ST6GALNAC3: variants seen among roughly 807,000 people sequenced by gnomAD.
The protein encoded by ST6GALNAC3 is alpha-N-acetylgalactosaminide alpha-2,6-sialyltransferase 3.
A neutral mutation model predicts 32.7 loss-of-function variants in ST6GALNAC3; 25 were observed. That is an observed-to-expected ratio of 0.76 (90% confidence interval 0.56 to 1.07). The LOEUF is 1.07. Among genes scored for constraint, ST6GALNAC3 ranks in the 50% least tolerant of loss-of-function variants. The pLI, the probability that ST6GALNAC3 is intolerant of heterozygous loss-of-function variation, is 0.00. For missense variants in ST6GALNAC3, 355 were observed against 382.4 expected (o/e 0.93, Z 0.60); for synonymous variants, 129 against 133.1 (o/e 0.97, Z 0.21).
intron 3 of ST6GALNAC3, among the ~76,000 whole-genome samples, chr1:76,621,330 T>A (rs1292727433): frequency 1.3e-5 from 2 of 152,088 alleles, no homozygotes; most frequent in Non-Finnish European, 2.9e-5. Flanking sequence ...AGGCCTGGAT[T>A]CCTTTCACTT....
intron 3 of ST6GALNAC3, among the ~76,000 whole-genome samples, chr1:76,480,281 C>T (rs567421017): frequency 2.0e-5 from 3 of 152,202 alleles, no homozygotes; most frequent in South Asian, 4.2e-4. Flanking sequence ...TTAGAATCTC[C>T]AGTGATAACA....
chr1:76,592,100 A>G lies in ST6GALNAC3; in HGVS notation c.624-35352A>G, dbSNP rs533842675. Among the ~76,000 whole-genome samples the G allele has an allele frequency of 2.0e-5, 3 of 152,306 alleles. No homozygotes were observed. In the East Asian group the frequency reaches 5.8e-4, roughly 29 times the overall value. On this transcript the variant is annotated intron_variant, in intron 3 of 4. Coordinates refer to ENST00000328299, the MANE Select transcript of ST6GALNAC3 (RefSeq NM_152996.4). ...TCCCTAGTTTAAGTGATGGAAAGCA[A>G]CTGAAGCCTTTTAATCAAGGAGAAT...
At chr1:76,478,372 C>T (rs1400269513) in intron 3 of ST6GALNAC3, among the ~76,000 whole-genome samples, 9 of 152,152 alleles carry the variant, frequency 5.9e-5, no homozygotes, top group African/African-American at 9.7e-5. Context: ...CCTGAACGTT[C>T]GCAAACATAT....
intron 1 of ST6GALNAC3, among the ~76,000 whole-genome samples, chr1:76,267,908 T>G (rs1658623497): frequency 6.6e-6 from 1 of 152,218 alleles, no homozygotes; most frequent in Non-Finnish European, 1.5e-5. Flanking sequence ...ACTTTCTACC[T>G]TCTGCAGTAT....
chr1:76,230,366 G>A (rs1322338767), intron 1 of ST6GALNAC3, among the ~76,000 whole-genome samples: 1 of 152,028 alleles, frequency 6.6e-6, no homozygotes, highest in Non-Finnish European at 1.5e-5. Context: ...TTGTAATTAT[G>A]GAGCTTTAAT....
At position 76,629,278 on chromosome 1, in the gene ST6GALNAC3, T is replaced by G; in HGVS notation, c.*472T>G. On this transcript the variant is annotated 3_prime_UTR_variant, in exon 5 of 5. Coordinates refer to ENST00000328299, the MANE Select transcript of ST6GALNAC3 (RefSeq NM_152996.4). ...TCAAACACTGACCCAAGAACTGCTA[T>G]CAGGGTGCAAGTATCTTACTACTTA... 1 of 989,384 alleles carries G rather than the reference T, an allele frequency of 1.0e-6. No homozygotes were observed. The highest frequency in any genetic ancestry group is 1.2e-6 in the Non-Finnish European group (1 of 832,952). The allele number at this position is 989,384 out of a possible 1,614,324, so 61.3% of individuals were successfully genotyped here.
chr1:76,433,610 T>C (rs916653269), intron 3 of ST6GALNAC3, among the ~76,000 whole-genome samples: 1 of 152,174 alleles, frequency 6.6e-6, no homozygotes, highest in Non-Finnish European at 1.5e-5. Flanking sequence ...TTCTTATCTG[T>C]CTTCACCACC....
chr1:76,201,906 T>C (rs1477708186), intron 1 of ST6GALNAC3, among the ~76,000 whole-genome samples: 1 of 152,146 alleles, frequency 6.6e-6, no homozygotes, highest in Non-Finnish European at 1.5e-5. Context: ...GTACACAGCA[T>C]TTGGCATATG....
chr1:76,154,999 A>G (rs1651302171), intron 1 of ST6GALNAC3, among the ~76,000 whole-genome samples: 1 of 152,114 alleles, frequency 6.6e-6, no homozygotes, highest in Non-Finnish European at 1.5e-5. Flanking sequence ...TTTTCTTTGC[A>G]TTTGCATTTC....
intron 1 of ST6GALNAC3, among the ~76,000 whole-genome samples, chr1:76,276,634 T>A (rs1305171258): frequency 6.6e-6 from 1 of 152,170 alleles, no homozygotes; most frequent in Non-Finnish European, 1.5e-5. Context: ...TCTTCTCTTA[T>A]ACATTGTTGT....
chr1:76,154,308 G>A (rs920138048), intron 1 of ST6GALNAC3, among the ~76,000 whole-genome samples: 7 of 152,090 alleles, frequency 4.6e-5, no homozygotes, highest in African/African-American at 1.7e-4. Context: ...CCCACGAGAG[G>A]GCGCTCTCGT....
At chr1:76,323,860 C>T (rs998378179) in intron 2 of ST6GALNAC3, among the ~76,000 whole-genome samples, 1 of 151,798 alleles carries the variant, frequency 6.6e-6, no homozygotes, top group Admixed American at 6.6e-5. Context: ...GTATTTATTA[C>T]TAGAATTTTT....
intron 2 of ST6GALNAC3, among the ~76,000 whole-genome samples, chr1:76,338,524 G>T (rs1387174503): frequency 6.6e-6 from 1 of 152,134 alleles, no homozygotes; most frequent in Non-Finnish European, 1.5e-5. Context: ...GCATAAGTAG[G>T]TCTGCTTCCT....
At chr1:76,449,652 C>T (rs1657244692) in intron 3 of ST6GALNAC3, among the ~76,000 whole-genome samples, 1 of 152,152 alleles carries the variant, frequency 6.6e-6, no homozygotes, top group Non-Finnish European at 1.5e-5. Flanking sequence ...TTGCAATCCC[C>T]TAATGCCATA....
chr1:76,558,530 G>T (rs1665058961), intron 3 of ST6GALNAC3, among the ~76,000 whole-genome samples: 2 of 152,138 alleles, frequency 1.3e-5, no homozygotes, highest in Non-Finnish European at 2.9e-5. Flanking sequence ...ATAAGTGGGA[G>T]CTAAACATTG....
intron 3 of ST6GALNAC3, among the ~76,000 whole-genome samples, chr1:76,537,469 A>G (rs1663685582): frequency 6.6e-6 from 1 of 152,210 alleles, no homozygotes; most frequent in African/African-American, 2.4e-5. Flanking sequence ...AACTAAGATC[A>G]GAGCAGAATT....
intron 1 of ST6GALNAC3, among the ~76,000 whole-genome samples, chr1:76,311,621 T>C (rs1646765014): frequency 6.6e-6 from 1 of 152,204 alleles, no homozygotes; most frequent in Non-Finnish European, 1.5e-5. Context: ...CATCCTTTTT[T>C]ATGGCTGTGT....
intron 2 of ST6GALNAC3, among the ~76,000 whole-genome samples, chr1:76,340,084 A>G (rs1647833086): frequency 1.3e-5 from 2 of 152,234 alleles, no homozygotes; most frequent in Admixed American, 6.5e-5. Flanking sequence ...CAAGGCTGGT[A>G]TGAGAATTTT....
chr1:76,569,547 CTT>C (rs1176333429), intron 3 of ST6GALNAC3, among the ~76,000 whole-genome samples: 1 of 152,100 alleles, frequency 6.6e-6, no homozygotes, highest in Non-Finnish European at 1.5e-5. Flanking sequence ...GCAAATGAAA[CTT>C]TATTAGCAAG....
Sources: gnomAD v4.1 joint callset for allele counts (sites outside exome capture counted in the v4.1 genomes callset) on GRCh38, gnomAD v4.1.1 for gene constraint, MANE v1.5 for transcripts, NCBI Gene and HGNC (gene_info 2026-07-23, HGNC 2026-07-21) for gene names.